Variants in PKHD1 observed in about 807,000 individuals in gnomAD.
The protein encoded by PKHD1 is PKHD1 ciliary IPT domain containing fibrocystin/polyductin, also known as fibrocystin.
PKHD1 carries 291 observed loss-of-function variants against 412.0 expected under a neutral mutation model. The ratio of observed to expected loss-of-function variants is 0.71; its 90% confidence interval spans 0.64 to 0.78. The LOEUF (loss-of-function observed/expected upper bound fraction) is 0.78. Ranked by LOEUF, PKHD1 falls within the 30% of genes least tolerant of loss-of-function variation. The pLI is 0.00. For missense variants in PKHD1, 4,825 were observed against 4,950.7 expected, an observed-to-expected ratio of 0.97 and a Z score of 0.76; for synonymous variants, 1,777 against 1,821.5, an observed-to-expected ratio of 0.98 and a Z score of 0.62.
chr6:51,739,666 G>A (rs1047338099), intron 60 of PKHD1, among the ~76,000 whole-genome samples: 5 of 152,292 alleles, frequency 3.3e-5, no homozygotes, highest in African/African-American at 9.6e-5. Context: ...GCTTAGAGAC[G>A]CTCTGGTAGA....
At chr6:51,960,955 A>G (rs749345336) in intron 35 of PKHD1, among the ~76,000 whole-genome samples, 1 of 152,182 alleles carries the variant, frequency 6.6e-6, no homozygotes, top group Non-Finnish European at 1.5e-5. Context: ...GTGAAGTTGT[A>G]GAAGTATAAT....
At chr6:51,652,552 T>TA (rs1477814222) in intron 61 of PKHD1, among the ~76,000 whole-genome samples, 1 of 138,860 alleles carries the variant, frequency 7.2e-6, no homozygotes, top group Non-Finnish European at 1.5e-5. Flanking sequence ...GAGCATTTTT[T>TA]ATCTCTCTTG....
At chr6:51,648,294 C>G (rs1302892204) in intron 62 of PKHD1, among the ~76,000 whole-genome samples, 176 bp from the exon 63 acceptor site, 1 of 151,998 alleles carries the variant, frequency 6.6e-6, no homozygotes, top group African/African-American at 2.4e-5. Context: ...TCAGAATTAA[C>G]TTATTGTAAG....
intron 60 of PKHD1, among the ~76,000 whole-genome samples, chr6:51,732,674 T>G (rs1334758903): frequency 1.3e-5 from 2 of 152,218 alleles, no homozygotes; most frequent in Non-Finnish European, 2.9e-5. Flanking sequence ...GAAACCATTG[T>G]GTACTGTTGG....
chr6:52,067,983 G>A (rs1394905916), intron 11 of PKHD1, among the ~76,000 whole-genome samples: 1 of 152,038 alleles, frequency 6.6e-6, no homozygotes, highest in East Asian at 1.9e-4. Context: ...GAGGTGATGG[G>A]GTCCAGAAAT....
chr6:52,043,830 T>C (rs1471180630), intron 25 of PKHD1, 100 bp from the exon 26 acceptor site: 3 of 785,678 alleles, frequency 3.8e-6, no homozygotes, highest in Admixed American at 1.9e-5. Flanking sequence ...CACGTGTTCA[T>C]GATTCGCTAA....
chr6:51,663,752 T>C (rs1365366091), intron 60 of PKHD1, among the ~76,000 whole-genome samples: 1 of 152,176 alleles, frequency 6.6e-6, no homozygotes, highest in Non-Finnish European at 1.5e-5. Context: ...AATAATTGAG[T>C]ATATCACAAA....
At chr6:51,886,455 T>C (rs1778229357) in intron 44 of PKHD1, among the ~76,000 whole-genome samples, 1 of 152,240 alleles carries the variant, frequency 6.6e-6, no homozygotes, top group African/African-American at 2.4e-5. Flanking sequence ...AATGGAATAT[T>C]ATTCAGCCTT....
rs1182627109 is a variant in PKHD1, at chr6:51,616,879, G to A, written c.*2202C>T. 2.6e-6 allele frequency: 1 copy of A among 388,514 alleles called. No individual in the cohort carries two copies. Among genetic ancestry groups the A allele is most frequent in the Non-Finnish European group, 4.5e-6 (1 of 220,102 alleles). The allele number at this position is 388,514 out of a possible 1,614,324, so 24.1% of individuals were successfully genotyped here. ...GCTGGCAGCTAACTCTTTGTGAAGG[G>A]CGAAATAGAATGAAGAGTCATGACT... On this transcript the variant is annotated 3_prime_UTR_variant, in exon 67 of 67. Coordinates refer to ENST00000371117, the MANE Select transcript of PKHD1 (RefSeq NM_138694.4).
At chr6:51,915,487 G>A (rs1024753783) in intron 37 of PKHD1, among the ~76,000 whole-genome samples, 1 of 152,008 alleles carries the variant, frequency 6.6e-6, no homozygotes, top group Non-Finnish European at 1.5e-5. Flanking sequence ...CTTTCACAGT[G>A]TCTAGCATGT....
At chr6:51,762,105 C>A (rs1051392968) in intron 55 of PKHD1, among the ~76,000 whole-genome samples, 1 of 152,040 alleles carries the variant, frequency 6.6e-6, no homozygotes, top group Admixed American at 6.6e-5. Flanking sequence ...AAAAAACTGC[C>A]ATAGCAATGT....
At chr6:52,080,712 A>T (rs761675094) in intron 4 of PKHD1, among the ~76,000 whole-genome samples, 3 of 152,236 alleles carry the variant, frequency 2.0e-5, no homozygotes, top group Non-Finnish European at 4.4e-5. Flanking sequence ...ATATGTGGGT[A>T]GTCCCAATTA....
rs1450562611 is a variant in PKHD1, at chr6:51,659,986, G to A, written c.10157-17C>T. The A allele has an allele frequency of 6.8e-7, 1 of 1,468,400 alleles. No individual in the cohort carries two copies. Among genetic ancestry groups the A allele is most frequent in the Non-Finnish European group, 9.5e-7 (1 of 1,049,532 alleles). The allele number at this position is 1,468,400 out of a possible 1,614,324, so 91.0% of individuals were successfully genotyped here. Reference sequence around the variant, plus strand: ...TAAATGTACCTATAAAAGAAAAGAAGCAAAACAAGTGATATATGAATTATA... The same window carrying A: ...TAAATGTACCTATAAAAGAAAAGAAACAAAACAAGTGATATATGAATTATA... On this transcript the variant is annotated splice_polypyrimidine_tract_variant and intron_variant, in intron 60 of 66. Coordinates refer to ENST00000371117, the MANE Select transcript of PKHD1 (RefSeq NM_138694.4).
chr6:51,751,931 C>A (rs1786178334), intron 57 of PKHD1, among the ~76,000 whole-genome samples: 1 of 152,164 alleles, frequency 6.6e-6, no homozygotes, highest in Non-Finnish European at 1.5e-5. Flanking sequence ...GTTTCTGTTT[C>A]CCTTCCCCAG....
chr6:51,798,527 C>T (rs137876354), intron 52 of PKHD1, among the ~76,000 whole-genome samples: 231 of 152,242 alleles, frequency 1.5e-3, no homozygotes, highest in African/African-American at 5.3e-3. Flanking sequence ...TTGTAGGTCA[C>T]CTAGCCTTTC....
intron 58 of PKHD1, among the ~76,000 whole-genome samples, chr6:51,747,505 G>C (rs980173559): frequency 6.6e-6 from 1 of 152,136 alleles, no homozygotes; most frequent in African/African-American, 2.4e-5. Flanking sequence ...AGGAGTTTGA[G>C]ACCAGCCTGG....
chr6:52,085,438 C>A (rs956167859), intron 1 of PKHD1, among the ~76,000 whole-genome samples: 1 of 151,890 alleles, frequency 6.6e-6, no homozygotes, highest in African/African-American at 2.4e-5. Context: ...CACCGTCACT[C>A]AGACAAGCCT....
At position 51,972,550 on chromosome 6, in the gene PKHD1, C is replaced by T. The variant is rs558294840; in HGVS notation, c.5752-12524G>A. 6.6e-5 allele frequency among the ~76,000 whole-genome samples: 10 copies of T among 152,346 alleles called. No homozygotes were observed. In the South Asian group the frequency reaches 2.1e-3, roughly 32 times the overall value. ...AGAAACTTGCCTATGCAATCTGATG[C>T]AGATGCTTTCCTTGTACGTGCAGAT... On this transcript the variant is annotated intron_variant, in intron 35 of 66. Coordinates refer to ENST00000371117, the MANE Select transcript of PKHD1 (RefSeq NM_138694.4).
At position 51,659,695 on chromosome 6, in the gene PKHD1, A is replaced by G; in HGVS notation, c.10431T>C (p.Thr3477=). The G allele has an allele frequency of 6.2e-7, 1 of 1,613,874 alleles. No individual in the cohort carries two copies. Among genetic ancestry groups the G allele is most frequent in the East Asian group, 2.2e-5 (1 of 44,846 alleles). Residue 3477 remains threonine, a synonymous_variant, in exon 61 of 67, where the codon ACT becomes ACC. Coordinates refer to ENST00000371117, the MANE Select transcript of PKHD1 (RefSeq NM_138694.4). The part of the protein sequence containing the change: ...QITKVCFMDQ[T]PQVLRFFLLG... The stretch of plus-strand genomic sequence containing the variant: ...ATAGAAAAAAGCGCAAAACTTGAGG[A>G]GTTTGATCCATGAAGCAGACTTTGG...
Sources: gnomAD v4.1 joint callset for allele counts (sites outside exome capture counted in the v4.1 genomes callset) on GRCh38, gnomAD v4.1.1 for gene constraint, MANE v1.5 for transcripts, NCBI Gene and HGNC (gene_info 2026-07-23, HGNC 2026-07-21) for gene names.